OMA1: variants seen among roughly 807,000 people sequenced by gnomAD.
OMA1 encodes OMA1 zinc metallopeptidase.
In OMA1, 38 loss-of-function variants were observed where a neutral mutation model predicts 30.9. The observed-to-expected ratio is 1.23, with a 90% CI of 0.95 to 1.61. OMA1 has a LOEUF of 1.61. OMA1 is among the 40% of genes most tolerant of loss of function. OMA1 has a pLI of 0.00. For missense variants in OMA1, 461 were observed against 349.2 expected (o/e 1.32, Z -2.55); for synonymous variants, 173 against 121.9 (o/e 1.42, Z -2.76).
chr1:58,514,996 C>A (rs1311806075), intron 7 of OMA1, among the ~76,000 whole-genome samples: 3 of 152,034 alleles, frequency 2.0e-5, no homozygotes, highest in Non-Finnish European at 2.9e-5. Context: ...AGGACAGTGC[C>A]CAGCACATTA....
intron 1 of OMA1, among the ~76,000 whole-genome samples, chr1:58,545,187 T>A (rs1162194202): frequency 2.0e-5 from 3 of 152,194 alleles, no homozygotes; most frequent in Non-Finnish European, 2.9e-5. Context: ...AAGAAAGCTC[T>A]CATCTCTATG....
chr1:58,540,746 G>C lies in OMA1; in HGVS notation c.-16-1436C>G, dbSNP rs1295287947. ...AAGGCACAGGGCATCAATGAGGTAT[G>C]CAATAACTTCAAGTGGCCTAATATT... On this transcript the variant is annotated intron_variant, in intron 1 of 8. Transcript: ENST00000371226. Among the ~76,000 whole-genome samples the C allele has an allele frequency of 2.0e-5, 3 of 151,728 alleles. No homozygotes were observed. The East Asian group carries it at 5.8e-4, about 29-fold the overall frequency.
At chr1:58,514,060 C>T (rs2100434492) in intron 7 of OMA1, among the ~76,000 whole-genome samples, 1 of 152,284 alleles carries the variant, frequency 6.6e-6, no homozygotes, top group South Asian at 2.1e-4. Context: ...TTCCAGGACT[C>T]AGAACATAGT....
chr1:58,503,190 T>G (rs990618005), intron 8 of OMA1, among the ~76,000 whole-genome samples: 1 of 151,860 alleles, frequency 6.6e-6, no homozygotes, highest in Non-Finnish European at 1.5e-5. Context: ...TGAGCGAAAA[T>G]AAAAAGAAAA....
chr1:58,499,801 AT>A (rs1645876845), intron 8 of OMA1, among the ~76,000 whole-genome samples: 1 of 152,032 alleles, frequency 6.6e-6, no homozygotes, highest in Admixed American at 6.6e-5. Context: ...TAAATAAAAA[AT>A]AAACACTTGT....
rs545405334 is a variant in OMA1 at position 58,492,367 on chromosome 1, G to A, written c.1366-11193C>T. Among the ~76,000 whole-genome samples the A allele has an allele frequency of 2.0e-3, 304 of 152,150 alleles. 1 individual carries two copies. Among genetic ancestry groups the A allele is most frequent in the Non-Finnish European group, 2.8e-3 (189 of 67,994 alleles). On this transcript the variant is annotated intron_variant, in intron 8 of 8. Coordinates refer to ENST00000371226, the MANE Select transcript of OMA1 (RefSeq NM_145243.5). ...ACAATTAAAAGAACTAGAGAAGCAA[G>A]AGCAAACACATTCAAAAGCTAGCAG... is the stretch of plus-strand genomic sequence containing the variant.
intron 7 of OMA1, among the ~76,000 whole-genome samples, chr1:58,506,868 A>G (rs1181457587): frequency 6.6e-6 from 1 of 152,138 alleles, no homozygotes; most frequent in African/African-American, 2.4e-5. Context: ...ATAAAACACA[A>G]TACCTTATAA....
At chr1:58,535,441 C>T (rs1159448435) in intron 3 of OMA1, among the ~76,000 whole-genome samples, 2 of 151,636 alleles carry the variant, frequency 1.3e-5, no homozygotes, top group African/African-American at 4.9e-5. Context: ...ACTAAAAATA[C>T]AAAAATTGGC....
chr1:58,482,686 C>A (rs1002659917), intron 8 of OMA1, among the ~76,000 whole-genome samples: 1 of 151,904 alleles, frequency 6.6e-6, no homozygotes, highest in East Asian at 1.9e-4. Context: ...CTTTGGGGGT[C>A]AAGAGGGGGA....
intron 5 of OMA1, among the ~76,000 whole-genome samples, chr1:58,531,960 G>A (rs999321925): frequency 6.6e-6 from 1 of 151,994 alleles, no homozygotes. Flanking sequence ...ACCCACCTCA[G>A]CCTCCCAAAG....
intron 7 of OMA1, among the ~76,000 whole-genome samples, chr1:58,519,439 A>C (rs1033732901): frequency 6.6e-6 from 1 of 152,214 alleles, no homozygotes; most frequent in Non-Finnish European, 1.5e-5. Context: ...TTCCCCAAAG[A>C]AAGAGCTAGA....
intron 8 of OMA1, among the ~76,000 whole-genome samples, chr1:58,493,495 C>T (rs2100384307): frequency 6.6e-6 from 1 of 151,720 alleles, no homozygotes; most frequent in Non-Finnish European, 1.5e-5. Flanking sequence ...TTGCAGATGA[C>T]ATGATTGTAT....
chr1:58,540,951 T>A (rs1646597468), intron 1 of OMA1, among the ~76,000 whole-genome samples: 1 of 152,092 alleles, frequency 6.6e-6, no homozygotes, highest in African/African-American at 2.4e-5. Flanking sequence ...ACATAACTTC[T>A]TAAAATCAAT....
chr1:58,530,160 C>T (rs1569960344), intron 6 of OMA1, among the ~76,000 whole-genome samples: 1 of 152,164 alleles, frequency 6.6e-6, no homozygotes. Flanking sequence ...AGATTACAGG[C>T]ATGAGCCACG....
rs1460735521 is a variant in OMA1, at chr1:58,518,291, A to G, written c.1215+8970T>C. On this transcript the variant is annotated intron_variant, in intron 7 of 8. Coordinates refer to ENST00000371226, the MANE Select transcript of OMA1 (RefSeq NM_145243.5). ...GAGAGAGGAGAGGAGAAGAGAAGAGAAGAGAAGAGAAGAGAAGAGAAGAGA... is the reference window on the plus strand; with the variant it reads ...GAGAGAGGAGAGGAGAAGAGAAGAGGAGAGAAGAGAAGAGAAGAGAAGAGA... Among the ~76,000 whole-genome samples, 74 of 27,368 alleles carry G rather than the reference A, an allele frequency of 2.7e-3. 2 individuals carry two copies. Among genetic ancestry groups the G allele is most frequent in the Non-Finnish European group, 3.4e-3 (49 of 14,204 alleles). The allele number at this position is 27,368 out of a possible 152,430, so 18.0% of individuals were successfully genotyped here.
chr1:58,500,230 T>C lies in OMA1; in HGVS notation c.1365+5830A>G, dbSNP rs190170610. On this transcript the variant is annotated intron_variant, in intron 8 of 8. Coordinates refer to ENST00000371226, the MANE Select transcript of OMA1 (RefSeq NM_145243.5). Reference sequence around the variant, plus strand: ...TAGACAATGTTACTGTCAGGCTTCCTGGCTTTATATGATTCAGAAGCCAAT... The same window carrying C: ...TAGACAATGTTACTGTCAGGCTTCCCGGCTTTATATGATTCAGAAGCCAAT... Among the ~76,000 whole-genome samples the C allele has an allele frequency of 1.9e-3, 294 of 152,306 alleles. 1 individual carries two copies. The highest frequency in any genetic ancestry group is 6.1e-3 in the African/African-American group (254 of 41,578).
In OMA1 at chr1:58,527,269, C is replaced by CA. The variant is rs1646367042; in HGVS notation, c.1206dup (p.Ala403CysfsTer22). The stretch of plus-strand genomic sequence containing the variant: ...ACTACTAAACACTTTACCTTTGCAG[C>CA]AAGCAGTAGTCCAATTTTGTCAGCT... On this transcript the variant is annotated frameshift_variant, in exon 7 of 9. Transcript: ENST00000371226. LOFTEE classifies it high-confidence loss of function. 1 of 872,156 alleles carries CA rather than the reference C, an allele frequency of 1.1e-6. No individual in the cohort carries two copies. The highest frequency in any genetic ancestry group is 1.6e-5 in the African/African-American group (1 of 61,316). 54.0% of individuals were successfully genotyped at this position (872,156 alleles called of 1,614,324 possible). A position where few individuals can be genotyped will look rare whatever the true frequency, so the allele number is the denominator to read the frequency against.
At chr1:58,492,022 A>C (rs146206644) in intron 8 of OMA1, among the ~76,000 whole-genome samples, 1 of 152,090 alleles carries the variant, frequency 6.6e-6, no homozygotes, top group Admixed American at 6.6e-5. Flanking sequence ...GAAGTAAAGC[A>C]CTCCTCAGCA....
chr1:58,519,421 T>C (rs1256604971), intron 7 of OMA1, among the ~76,000 whole-genome samples: 1 of 152,168 alleles, frequency 6.6e-6, no homozygotes, highest in Admixed American at 6.5e-5. Context: ...ATATATTCTA[T>C]GGGAAGCTTC....
Sources: allele counts gnomAD v4.1 joint callset (sites outside exome capture counted in the v4.1 genomes callset), GRCh38; gene constraint gnomAD v4.1.1; transcripts MANE v1.5; gene names NCBI Gene and HGNC (gene_info 2026-07-23, HGNC 2026-07-21).